The following ADAM18 variants were observed in gnomAD, a reference collection of about 807,000 sequenced individuals.
The protein encoded by ADAM18 is ADAM metallopeptidase domain 18.
A neutral mutation model predicts 94.4 loss-of-function variants in ADAM18; 117 were observed. The ratio of observed to expected loss-of-function variants is 1.24; its 90% CI spans 1.07 to 1.45. The LOEUF (loss-of-function observed/expected upper bound fraction) is 1.45. Among genes scored for constraint, ADAM18 ranks in the 40% most tolerant of loss-of-function variants. The pLI is 0.00. For missense variants in ADAM18, 936 were observed against 880.0 expected (o/e 1.06, Z -0.81); for synonymous variants, 327 against 291.6 (o/e 1.12, Z -1.24).
chr8:39,720,254 A>G (rs1294724233), intron 18 of ADAM18, among the ~76,000 whole-genome samples: 1 of 151,530 alleles, frequency 6.6e-6, no homozygotes, highest in African/African-American at 2.4e-5. Context: ...TAAAAAATGA[A>G]AGCTAATTTA....
chr8:39,648,637 A>G (rs1820449228), intron 12 of ADAM18, 110 bp downstream of exon 12: 3 of 995,144 alleles, frequency 3.0e-6, no homozygotes, highest in Non-Finnish European at 4.2e-6. Context: ...CCATTAATTT[A>G]TAACTGAAAT....
chr8:39,646,243 T>G (rs1820371540), intron 11 of ADAM18, among the ~76,000 whole-genome samples: 1 of 152,176 alleles, frequency 6.6e-6, no homozygotes, highest in Admixed American at 6.5e-5. Flanking sequence ...TGCTGTCTAA[T>G]ACATGATTGT....
intron 19 of ADAM18, among the ~76,000 whole-genome samples, chr8:39,726,937 GTTTA>G (rs1015884552): frequency 6.0e-4 from 92 of 152,200 alleles, no homozygotes; most frequent in African/African-American, 2.1e-3. Flanking sequence ...TTCATAAAAA[GTTTA>G]TTTACTTACC....
intron 2 of ADAM18, among the ~76,000 whole-genome samples, chr8:39,599,017 G>A (rs549639689): frequency 6.6e-6 from 1 of 152,092 alleles, no homozygotes; most frequent in African/African-American, 2.4e-5. Context: ...CGCCATGTTG[G>A]CCAGGCTGGT....
At chr8:39,645,852 C>T (rs1044603295) in intron 11 of ADAM18, among the ~76,000 whole-genome samples, 9 of 151,992 alleles carry the variant, frequency 5.9e-5, no homozygotes, top group Non-Finnish European at 1.3e-4. Context: ...ACTTCTGAGT[C>T]CATATCTATT....
intron 18 of ADAM18, among the ~76,000 whole-genome samples, chr8:39,720,148 T>C (rs1822707470): frequency 6.6e-6 from 1 of 151,560 alleles, no homozygotes; most frequent in South Asian, 2.1e-4. Context: ...ACTGTTGTTA[T>C]ATACACCAAT....
At chr8:39,684,977 C>T (rs1258902905) in intron 16 of ADAM18, among the ~76,000 whole-genome samples, 2 of 152,126 alleles carry the variant, frequency 1.3e-5, no homozygotes, top group East Asian at 1.9e-4. Context: ...ACCCCTCACT[C>T]GCTTAATTAA....
chr8:39,722,887 T>C (rs1476203997), intron 18 of ADAM18, among the ~76,000 whole-genome samples: 1 of 151,592 alleles, frequency 6.6e-6, no homozygotes, highest in Non-Finnish European at 1.5e-5. Flanking sequence ...TAAATGTCTT[T>C]TGAGCAGTAC....
chr8:39,655,870 C>T (rs1027228822), intron 12 of ADAM18, among the ~76,000 whole-genome samples: 1 of 151,618 alleles, frequency 6.6e-6, no homozygotes, highest in South Asian at 2.1e-4. Context: ...ACAACAGCAT[C>T]TACAATAATA....
At chr8:39,704,206 A>C (rs1316885728) in intron 17 of ADAM18, among the ~76,000 whole-genome samples, 1 of 152,140 alleles carries the variant, frequency 6.6e-6, no homozygotes, top group Non-Finnish European at 1.5e-5. Flanking sequence ...AACTCATTCT[A>C]TGAGGACAGC....
chr8:39,710,054 A>G (rs1292086876), intron 18 of ADAM18, among the ~76,000 whole-genome samples: 2 of 152,200 alleles, frequency 1.3e-5, no homozygotes, highest in Non-Finnish European at 2.9e-5. Context: ...CTTAGTTTAT[A>G]GGTTGTTTAG....
intron 6 of ADAM18, among the ~76,000 whole-genome samples, chr8:39,615,291 C>T (rs1819404895): frequency 6.6e-6 from 1 of 150,580 alleles, no homozygotes; most frequent in African/African-American, 2.4e-5. Flanking sequence ...GAAGTTCACA[C>T]CAAGAAGATC....
rs368868316 is a variant in ADAM18 at position 39,720,329 on chromosome 8, A to G, written c.2018-3419A>G. Among the ~76,000 whole-genome samples, 10 of 151,446 alleles carry G rather than the reference A, an allele frequency of 6.6e-5. No homozygotes were observed. The East Asian group carries it at 9.7e-4, about 15-fold the overall frequency. On this transcript the variant is annotated intron_variant, in intron 18 of 19. Coordinates refer to ENST00000265707, the MANE Select transcript of ADAM18 (RefSeq NM_014237.3). Reference sequence around the variant, plus strand: ...GGGGAGTAGCAACATGGCAGGATCAATGGGCTTGGGAAATGTGTATGGATT... The same window carrying G: ...GGGGAGTAGCAACATGGCAGGATCAGTGGGCTTGGGAAATGTGTATGGATT...
intron 2 of ADAM18, among the ~76,000 whole-genome samples, chr8:39,603,832 A>G (rs1818981207): frequency 6.6e-6 from 1 of 152,048 alleles, no homozygotes; most frequent in Non-Finnish European, 1.5e-5. Flanking sequence ...TTGATATTGG[A>G]AGTCCTGGAA....
At chr8:39,632,405 C>T (rs1415806406) in intron 7 of ADAM18, among the ~76,000 whole-genome samples, 1 of 151,838 alleles carries the variant, frequency 6.6e-6, no homozygotes. Context: ...CCCTGTTTTC[C>T]AAGATTTTTG....
chr8:39,728,169 A>G (rs953652617), intron 19 of ADAM18, among the ~76,000 whole-genome samples: 1 of 152,180 alleles, frequency 6.6e-6, no homozygotes, highest in African/African-American at 2.4e-5. Flanking sequence ...GATTCACCCC[A>G]TGATACAAAC....
Position 39,668,085 on chromosome 8 carries a change from G to A in ADAM18, c.1414G>A (p.Val472Ile), listed in dbSNP as rs1821040443. 2 of 1,613,982 alleles carry A rather than the reference G, an allele frequency of 1.2e-6. No homozygotes were observed. The highest frequency in any genetic ancestry group is 2.7e-5 in the African/African-American group (2 of 74,902). ...EYCNGTSSNC[V>I]PDTYALNGRL... ...CTGCAATGGAACCTCTAGTAATTGT[G>A]TTCCTGACACTTATGCATTGAATGG... The change falls in exon 14 of 20, where the codon GTT (valine) becomes ATT (isoleucine). Residue 472 changes from valine (V) to isoleucine (I), a missense_variant. Val to Ile is a conservative substitution (Grantham distance 29). Transcript: ENST00000265707.
Position 39,676,482 on chromosome 8 carries a change from C to T in ADAM18, c.1526-949C>T, listed in dbSNP as rs180679255. Among the ~76,000 whole-genome samples, 200 of 152,308 alleles carry T rather than the reference C, an allele frequency of 1.3e-3. 1 individual carries two copies. The highest frequency in any genetic ancestry group is 8.7e-3 in the South Asian group (42 of 4,824). ...CACAGGAGAGAATCATCTTGTCTGC[C>T]GATTCTAAGACCTTGGGAAAAGTGC... On this transcript the variant is annotated intron_variant, in intron 14 of 19. Transcript: ENST00000265707.
intron 10 of ADAM18, among the ~76,000 whole-genome samples, chr8:39,643,936 G>T (rs1479343398): frequency 6.6e-6 from 1 of 151,252 alleles, no homozygotes; most frequent in African/African-American, 2.4e-5. Context: ...TTCTGCTCTG[G>T]CTTTAACTCC....
Sources: allele counts gnomAD v4.1 joint callset (sites outside exome capture counted in the v4.1 genomes callset), GRCh38; gene constraint gnomAD v4.1.1; transcripts MANE v1.5; gene names NCBI Gene and HGNC (gene_info 2026-07-23, HGNC 2026-07-21).